PLSCR2: variants seen among roughly 807,000 people sequenced by gnomAD.
The protein encoded by PLSCR2 is PL scramblase 2.
PLSCR2 carries 18 observed loss-of-function variants against 25.3 expected under a neutral mutation model. That is an observed-to-expected ratio of 0.71 (90% CI 0.49 to 1.06). The LOEUF is 1.06. PLSCR2 is among the 50% of genes least tolerant of loss of function. The probability of loss-of-function intolerance (pLI) is 0.00; values close to 1 mark genes in which losing one functional copy is unlikely to be tolerated. For missense variants in PLSCR2, 243 were observed against 269.5 expected (o/e 0.90, Z 0.69); for synonymous variants, 88 against 87.3 (o/e 1.01, Z -0.04).
At position 146,474,484 on chromosome 3, in the gene PLSCR2, A is replaced by G. The variant is rs185564969; in HGVS notation, c.-292-14200T>C. Among the ~76,000 whole-genome samples the G allele has an allele frequency of 1.2e-3, 177 of 152,070 alleles. 1 individual carries two copies. The highest frequency in any genetic ancestry group is 4.0e-3 in the African/African-American group (168 of 41,486). ...GCTCCCACTCTCTTCTGGCTTGTAG[A>G]GTTTCTGCTGAGAGGTCTGTTTTTA... On this transcript the variant is annotated intron_variant, in intron 1 of 8. Coordinates refer to the PLSCR2 transcript ENST00000336685.
chr3:146,440,604 A>T (rs935207403), downstream of PLSCR2, among the ~76,000 whole-genome samples: 20 of 151,978 alleles, frequency 1.3e-4, 1 homozygote, highest in East Asian at 1.7e-3. Flanking sequence ...CTGGTGTGCC[A>T]TTTTCTCAGT....
intron 3 of PLSCR2, among the ~76,000 whole-genome samples, chr3:146,394,957 G>T (rs758853563): frequency 1.8e-4 from 28 of 152,172 alleles, no homozygotes; most frequent in Non-Finnish European, 3.7e-4. Context: ...CTGCCGCCTT[G>T]TGGAAAAGGT....
At chr3:146,462,464 C>CT (rs1560031383), upstream of PLSCR2, among the ~76,000 whole-genome samples, 7 of 104,460 alleles carry the variant, frequency 6.7e-5, no homozygotes, top group Non-Finnish European at 3.8e-5. Context: ...CTTTTCTTTT[C>CT]TTTCTTTTTT....
intron 2 of PLSCR2, chr3:146,401,245 C>T (rs189682709): frequency 2.2e-4 from 33 of 152,366 alleles, no homozygotes; most frequent in African/African-American, 6.7e-4. Flanking sequence ...ATACAATTAT[C>T]TCTCTGACGT....
At chr3:146,449,444 A>G in intron 5 of PLSCR2, 77 bp from the exon 6 acceptor site, 2 of 971,408 alleles carry the variant, frequency 2.1e-6, no homozygotes, top group Non-Finnish European at 3.1e-6. Context: ...CTGGAGTAAA[A>G]GGAAGGAAAT....
chr3:146,427,519 C>T (rs897623693), intron 2 of PLSCR2, among the ~76,000 whole-genome samples: 14 of 152,150 alleles, frequency 9.2e-5, no homozygotes, highest in Non-Finnish European at 1.5e-4. Context: ...TCACATGCTG[C>T]ACCTCCCTCC....
In PLSCR2 at chr3:146,396,460, GA is replaced by G. The variant is rs2038276320; in HGVS notation, c.101-540del. On this transcript the variant is annotated intron_variant and NMD_transcript_variant, in intron 2 of 3. Transcript: ENST00000463633. The stretch of plus-strand genomic sequence containing the variant: ...TGAATCATATTACCTGCCTTGTAAT[GA>G]GGGCCATAAGGGAAGGGTAGGGTGC... Among the ~76,000 whole-genome samples, 3 of 152,236 alleles carry G rather than the reference GA, an allele frequency of 2.0e-5. No individual in the cohort carries two copies. The South Asian group carries it at 6.2e-4, about 32-fold the overall frequency.
At chr3:146,431,023 TCTC>T (rs1433733327), downstream of PLSCR2, among the ~76,000 whole-genome samples, 10 of 152,020 alleles carry the variant, frequency 6.6e-5, no homozygotes, top group South Asian at 1.5e-3. Context: ...CACCCAAACT[TCTC>T]CTCTCCTGGG....
chr3:146,483,425 C>CT lies in PLSCR2; in HGVS notation c.-293+12469dup, dbSNP rs528751984. On this transcript the variant is annotated intron_variant, in intron 1 of 8. Coordinates refer to the PLSCR2 transcript ENST00000336685. ...GTACACATGTACCCTAGAACTTAAA[C>CT]TTAATATATATATATATACACATGT... Among the ~76,000 whole-genome samples, 643 of 100,546 alleles carry CT rather than the reference C, an allele frequency of 6.4e-3. 18 individuals are homozygous for CT. Among genetic ancestry groups the CT allele is most frequent in the African/African-American group, 0.023 (553 of 24,106 alleles). 66.0% of individuals were successfully genotyped at this position (100,546 alleles called of 152,430 possible). A position where few individuals can be genotyped will look rare whatever the true frequency, so the allele number is the denominator to read the frequency against.
chr3:146,430,381 A>G (rs1034561451), downstream of PLSCR2, among the ~76,000 whole-genome samples: 22 of 152,258 alleles, frequency 1.4e-4, no homozygotes, highest in African/African-American at 4.6e-4. Flanking sequence ...AGGTTCTAGG[A>G]AAGTCAGGAA....
At chr3:146,437,811 G>A (rs1336749786), downstream of PLSCR2, among the ~76,000 whole-genome samples, 1 of 152,070 alleles carries the variant, frequency 6.6e-6, no homozygotes, top group Non-Finnish European at 1.5e-5. Context: ...CTTGCCTTCT[G>A]TTAGCTTTTG....
chr3:146,437,538 A>C (rs1576623782), downstream of PLSCR2, among the ~76,000 whole-genome samples: 1 of 152,262 alleles, frequency 6.6e-6, no homozygotes, highest in East Asian at 1.9e-4. Context: ...CATTTCTTGT[A>C]GATTTTCTAG....
intron 1 of PLSCR2, among the ~76,000 whole-genome samples, chr3:146,478,057 C>T (rs939550318): frequency 1.3e-5 from 2 of 151,650 alleles, no homozygotes; most frequent in African/African-American, 4.9e-5. Flanking sequence ...AAAGGAATAG[C>T]ATCAACATCA....
At chr3:146,440,623 C>A (rs947705711), downstream of PLSCR2, among the ~76,000 whole-genome samples, 7 of 152,068 alleles carry the variant, frequency 4.6e-5, no homozygotes, top group African/African-American at 1.7e-4. Flanking sequence ...GTTGGAAAAG[C>A]TGAAATCATC....
intron 3 of PLSCR2, among the ~76,000 whole-genome samples, chr3:146,456,933 T>A (rs140772002): frequency 5.3e-5 from 8 of 152,150 alleles, no homozygotes; most frequent in African/African-American, 1.9e-4. Flanking sequence ...AAATATAATG[T>A]TGTATAATGT....
At chr3:146,489,945 C>T (rs1327876200) in intron 1 of PLSCR2, among the ~76,000 whole-genome samples, 2 of 152,086 alleles carry the variant, frequency 1.3e-5, no homozygotes, top group African/African-American at 4.8e-5. Flanking sequence ...AGATTCATAG[C>T]CATCTCACAT....
At chr3:146,474,727 G>A (rs531881922) in intron 1 of PLSCR2, among the ~76,000 whole-genome samples, 1 of 152,202 alleles carries the variant, frequency 6.6e-6, no homozygotes, top group African/African-American at 2.4e-5. Context: ...ATCATGAAGT[G>A]TGTTTTCCAA....
intron 1 of PLSCR2, among the ~76,000 whole-genome samples, chr3:146,477,667 A>G (rs528334099): frequency 6.6e-6 from 1 of 152,352 alleles, no homozygotes; most frequent in East Asian, 1.9e-4. Context: ...GCATAGCTGA[A>G]CAAAAGACAG....
intron 1 of PLSCR2, among the ~76,000 whole-genome samples, chr3:146,474,857 T>C (rs929477785): frequency 6.6e-5 from 10 of 151,884 alleles, no homozygotes; most frequent in African/African-American, 2.2e-4. Flanking sequence ...TTTTTCTCTA[T>C]TCTCGTCTGC....
Sources: gnomAD v4.1 joint callset for allele counts (sites outside exome capture counted in the v4.1 genomes callset) on GRCh38, gnomAD v4.1.1 for gene constraint, MANE v1.5 for transcripts, NCBI Gene and HGNC (gene_info 2026-07-23, HGNC 2026-07-21) for gene names.